The following SAMD5 variants were observed in gnomAD, a reference collection of about 807,000 sequenced individuals.
The protein encoded by SAMD5 is sterile alpha motif domain containing 5.
SAMD5 carries 13 observed loss-of-function variants against 11.3 expected under a neutral mutation model. That is an observed-to-expected ratio of 1.15 (90% confidence interval 0.75 to 1.83). SAMD5 has a LOEUF of 1.83. Among genes scored for constraint, SAMD5 ranks in the 40% most tolerant of loss-of-function variants. The probability of loss-of-function intolerance (pLI) is 0.00; values close to 1 mark genes in which losing one functional copy is unlikely to be tolerated. For synonymous variants in SAMD5, 129 were observed against 111.3 expected (o/e 1.16, Z -1.00); for missense variants, 255 against 239.1 (o/e 1.07, Z -0.44).
intron 1 of SAMD5, among the ~76,000 whole-genome samples, chr6:147,532,673 G>A (rs1788447713): frequency 6.6e-6 from 1 of 152,126 alleles, no homozygotes; most frequent in African/African-American, 2.4e-5. Context: ...GGATCAAATG[G>A]TAGTTCTACT....
chr6:147,951,222 G>GC, the SAMD5 span, among the ~76,000 whole-genome samples: 12 of 147,960 alleles, frequency 8.1e-5, no homozygotes, highest in East Asian at 2.0e-4. Context: ...TCGCTCTGTC[G>GC]CCAGGCTGGA....
chr6:147,767,042 T>C, the SAMD5 span, among the ~76,000 whole-genome samples: 2 of 152,236 alleles, frequency 1.3e-5, no homozygotes, highest in African/African-American at 4.8e-5. Flanking sequence ...AGCTCATCAG[T>C]AAACAGTATT....
At chr6:147,687,876 A>T (rs1309345279) in intron 1 of SAMD5, among the ~76,000 whole-genome samples, 2 of 152,206 alleles carry the variant, frequency 1.3e-5, no homozygotes, top group African/African-American at 2.4e-5. Context: ...AACATGAAAT[A>T]GTAATGTGAC....
intron 1 of SAMD5, among the ~76,000 whole-genome samples, chr6:147,582,976 G>T (rs532074982): frequency 6.6e-6 from 1 of 152,346 alleles, no homozygotes; most frequent in East Asian, 1.9e-4. Flanking sequence ...CACATGGAGT[G>T]TGTTGGGATC....
At chr6:147,596,210 T>C (rs1385148556) in intron 1 of SAMD5, among the ~76,000 whole-genome samples, 1 of 152,220 alleles carries the variant, frequency 6.6e-6, no homozygotes, top group African/African-American at 2.4e-5. Flanking sequence ...TCTGTGTTTG[T>C]TGATTCTTTC....
chr6:147,749,272 C>T, the SAMD5 span, among the ~76,000 whole-genome samples: 2 of 151,298 alleles, frequency 1.3e-5, no homozygotes, highest in African/African-American at 2.4e-5. Context: ...TAGTTTCAAG[C>T]GATTCTCCTG....
At chr6:147,777,719 C>T in the SAMD5 span, among the ~76,000 whole-genome samples, 1 of 152,140 alleles carries the variant, frequency 6.6e-6, no homozygotes, top group Non-Finnish European at 1.5e-5. Context: ...CTCCTTCTAT[C>T]TTTATGAAAT....
At chr6:147,944,644 T>C in the SAMD5 span, among the ~76,000 whole-genome samples, 3 of 152,216 alleles carry the variant, frequency 2.0e-5, no homozygotes, top group African/African-American at 7.2e-5. Flanking sequence ...CTAGCAAAGA[T>C]TCTTAGAGAT....
chr6:147,906,435 T>C, the SAMD5 span, among the ~76,000 whole-genome samples: 6 of 152,334 alleles, frequency 3.9e-5, no homozygotes, highest in South Asian at 8.3e-4. Context: ...ACACCCCAGA[T>C]TCTACAGATC....
chr6:147,753,700 C>T, the SAMD5 span, among the ~76,000 whole-genome samples: 23 of 152,174 alleles, frequency 1.5e-4, no homozygotes, highest in South Asian at 3.5e-3. Context: ...CACCTTCCCC[C>T]CAGCCCCTCA....
the SAMD5 span, among the ~76,000 whole-genome samples, chr6:147,837,859 G>A: frequency 0.02 from 3,065 of 152,126 alleles, 59 homozygotes; most frequent in Non-Finnish European, 0.032. Flanking sequence ...CGACTCAAAC[G>A]GTGAGTCAAT....
chr6:147,765,087 T>A, the SAMD5 span, among the ~76,000 whole-genome samples: 7 of 152,346 alleles, frequency 4.6e-5, no homozygotes, highest in South Asian at 1.0e-3. Context: ...GCCTGCATAT[T>A]TTACGCTACT....
chr6:147,919,146 A>G, the SAMD5 span, among the ~76,000 whole-genome samples: 13 of 152,146 alleles, frequency 8.5e-5, no homozygotes, highest in African/African-American at 2.9e-4. Flanking sequence ...CACGCTTGTC[A>G]CTAATTGTCT....
At chr6:147,814,334 C>T in the SAMD5 span, among the ~76,000 whole-genome samples, 7 of 152,146 alleles carry the variant, frequency 4.6e-5, no homozygotes, top group African/African-American at 1.4e-4. Flanking sequence ...CAAATGCAAT[C>T]GATGTTTCCC....
At chr6:147,585,163 A>G (rs1287208946) in intron 1 of SAMD5, among the ~76,000 whole-genome samples, 1 of 152,216 alleles carries the variant, frequency 6.6e-6, no homozygotes, top group East Asian at 1.9e-4. Flanking sequence ...ATTAATAGTG[A>G]CATAAGAATC....
At chr6:147,813,513 T>C in the SAMD5 span, among the ~76,000 whole-genome samples, 1 of 152,184 alleles carries the variant, frequency 6.6e-6, no homozygotes, top group East Asian at 1.9e-4. Flanking sequence ...ATAAATAATA[T>C]TGCCCTTTGA....
the SAMD5 span, among the ~76,000 whole-genome samples, chr6:147,951,796 G>A: frequency 2.6e-5 from 4 of 152,190 alleles, no homozygotes; most frequent in African/African-American, 4.8e-5. Flanking sequence ...CAGTCATTCC[G>A]TAAGATGTTC....
chr6:147,936,741 A>C, the SAMD5 span, among the ~76,000 whole-genome samples: 2 of 152,226 alleles, frequency 1.3e-5, no homozygotes, highest in African/African-American at 4.8e-5. Context: ...AATGGCCTCC[A>C]GGGTAGAAAG....
chr6:147,822,436 A>G, the SAMD5 span, among the ~76,000 whole-genome samples: 2 of 152,212 alleles, frequency 1.3e-5, no homozygotes, highest in South Asian at 2.1e-4. Context: ...AAAAAATACC[A>G]TATGTGGTAA....
Sources: gnomAD v4.1 joint callset for allele counts (sites outside exome capture counted in the v4.1 genomes callset) on GRCh38, gnomAD v4.1.1 for gene constraint, MANE v1.5 for transcripts, NCBI Gene and HGNC (gene_info 2026-07-23, HGNC 2026-07-21) for gene names.